The following GTPBP6 variants were observed in gnomAD, a reference collection of about 807,000 sequenced individuals.
GTPBP6 encodes the protein putative GTP-binding protein 6.
A neutral mutation model predicts 28.9 loss-of-function variants in GTPBP6; 33 were observed. That is an observed-to-expected ratio of 1.14 (90% CI 0.87 to 1.53). The LOEUF (loss-of-function observed/expected upper bound fraction) is 1.53. Among genes scored for constraint, GTPBP6 ranks in the 40% most tolerant of loss-of-function variants. The pLI is 0.00. For missense variants in GTPBP6, 507 were observed against 408.3 expected, an observed-to-expected ratio of 1.24 and a Z score of -2.08; for synonymous variants, 231 against 192.7, an observed-to-expected ratio of 1.20 and a Z score of -1.65.
chrX:314,202 C>A, exon 5 of GTPBP6: 1 of 1,613,516 alleles, frequency 6.2e-7, no homozygotes, highest in Non-Finnish European at 8.5e-7. Flanking sequence ...GGGCGACGTC[C>A]CTTTTCAAGT....
intron 6 of GTPBP6, chrX:312,545 C>A (rs1195080949): frequency 1.3e-5 from 9 of 699,578 alleles, no homozygotes; most frequent in Admixed American, 1.2e-4. Context: ...GGCTGCTGTA[C>A]CCCACACAGA....
chrX:318,731 G>A, exon 1 of GTPBP6: 4 of 340,088 alleles, frequency 1.2e-5, no homozygotes, highest in Non-Finnish European at 5.3e-6. Context: ...CCGAGCGGCC[G>A]CGGCCCACGC....
intron 4 of GTPBP6, among the ~76,000 whole-genome samples, chrX:314,458 C>G (rs139356819): frequency 6.6e-6 from 1 of 151,432 alleles, no homozygotes; most frequent in African/African-American, 2.4e-5. Flanking sequence ...GAGAGAGAGC[C>G]CACACGGTGC....
At chrX:306,866 G>C (rs993916474) in intron 9 of GTPBP6, among the ~76,000 whole-genome samples, 3 of 116,106 alleles carry the variant, frequency 2.6e-5, no homozygotes, top group African/African-American at 1.1e-4. Flanking sequence ...TTAGGCACCT[G>C]TTGTATGCAG....
intron 2 of GTPBP6, 109 bp downstream of exon 2, chrX:316,805 C>T (rs1383469856): frequency 2.5e-6 from 1 of 398,934 alleles, no homozygotes; most frequent in Non-Finnish European, 4.4e-6. Context: ...GGCCGCTTCC[C>T]CTCTGGCCCC....
intron 1 of GTPBP6, among the ~76,000 whole-genome samples, chrX:317,453 C>T (rs1488133726): frequency 2.3e-4 from 34 of 150,266 alleles, no homozygotes; most frequent in Admixed American, 6.1e-4. Context: ...GGAAAACACC[C>T]GTAAAGAAAA....
intron 1 of GTPBP6, 29 bp from the exon 2 acceptor site, chrX:317,080 G>A (rs1194731749): frequency 1.9e-4 from 74 of 397,934 alleles, no homozygotes; most frequent in Non-Finnish European, 2.9e-4. Flanking sequence ...CACCGTGAGA[G>A]ACGCTTCTGC....
At position 313,514 on chromosome X, in the gene GTPBP6, C is replaced by T. The variant is rs1378472514; in HGVS notation, c.758-590G>A. On this transcript the variant is annotated intron_variant, in intron 5 of 9. Transcript: ENST00000326153. Reference sequence around the variant, plus strand: ...AAGTGTAGCGGATTGAACTGTGGTCCTCCTAAAAGATCTGTCCACATCCTA... The same window carrying T: ...AAGTGTAGCGGATTGAACTGTGGTCTTCCTAAAAGATCTGTCCACATCCTA... 1.3e-5 allele frequency among the ~76,000 whole-genome samples: 2 copies of T among 151,296 alleles called. 1 individual carries two copies. The highest frequency in any genetic ancestry group is 2.9e-5 in the Non-Finnish European group (2 of 67,904).
At chrX:317,569 T>TGGGG (rs1187572118) in intron 1 of GTPBP6, among the ~76,000 whole-genome samples, 5 of 117,548 alleles carry the variant, frequency 4.3e-5, no homozygotes, top group African/African-American at 1.6e-4. Context: ...GGGTGGGGGG[T>TGGGG]GGGACTAGAC....
At chrX:317,562 T>TGGGGGGGGGG (rs1231210780) in intron 1 of GTPBP6, among the ~76,000 whole-genome samples, 1 of 46,066 alleles carries the variant, frequency 2.2e-5, no homozygotes, top group South Asian at 5.9e-4. Flanking sequence ...TCCTGGGGGG[T>TGGGGGGGGGG]GGGGGGTGGG....
exon 1 of GTPBP6, chrX:318,513 G>A: frequency 2.5e-6 from 1 of 398,482 alleles, no homozygotes; most frequent in Non-Finnish European, 4.4e-6. Flanking sequence ...GGTCCCCGCC[G>A]GCAGCAGAGG....
At chrX:307,915 C>A in intron 7 of GTPBP6, 35 bp from the exon 8 acceptor site, 2 of 1,462,254 alleles carry the variant, frequency 1.4e-6, no homozygotes, top group Non-Finnish European at 1.8e-6. Flanking sequence ...AGCTGCGGAG[C>A]CTCTGGTCCC....
chrX:318,041 G>A (rs1205847104), intron 1 of GTPBP6, among the ~76,000 whole-genome samples: 2 of 124,324 alleles, frequency 1.6e-5, no homozygotes, highest in African/African-American at 6.2e-5. Context: ...CCTCTCCTTA[G>A]AGCCTGGCCC....
chrX:308,015 C>CGTA, intron 7 of GTPBP6, 135 bp from the exon 8 acceptor site: 1 of 731,360 alleles, frequency 1.4e-6, no homozygotes, highest in Non-Finnish European at 2.0e-6. Context: ...TGTGTGCAGG[C>CGTA]CCCTCGGACA....
exon 8 of GTPBP6, chrX:307,817 G>C: frequency 5.8e-6 from 9 of 1,554,114 alleles, no homozygotes; most frequent in Non-Finnish European, 7.8e-6. Flanking sequence ...AGCGTGGACA[G>C]AACGCTGCAT....
chrX:318,548 G>C (rs2070482901), exon 1 of GTPBP6: 2 of 398,288 alleles, frequency 5.0e-6, no homozygotes, highest in Non-Finnish European at 8.9e-6. Flanking sequence ...GCTCCTCCTC[G>C]GCGTTCTCGT....
At chrX:315,052 G>A (rs1192024163) in intron 3 of GTPBP6, 32 bp from the exon 4 acceptor site, 29 of 398,732 alleles carry the variant, frequency 7.3e-5, no homozygotes, top group South Asian at 3.8e-4. Context: ...GAGAAGCCAC[G>A]GGGGAAGGCC....
intron 2 of GTPBP6, among the ~76,000 whole-genome samples, chrX:315,527 C>A (rs1274698995): frequency 4.0e-4 from 59 of 148,054 alleles, no homozygotes; most frequent in African/African-American, 1.4e-3. Flanking sequence ...CACATCCCGG[C>A]AGGGACACAA....
chrX:318,414 C>A (rs1285771682), intron 1 of GTPBP6, 25 bp downstream of exon 1: 5 of 385,618 alleles, frequency 1.3e-5, no homozygotes, highest in African/African-American at 1.0e-4. Context: ...TCCTGTTTCT[C>A]CCCCGAAAGC....
Sources: allele counts gnomAD v4.1 joint callset (sites outside exome capture counted in the v4.1 genomes callset), GRCh38; gene constraint gnomAD v4.1.1; transcripts MANE v1.5; gene names NCBI Gene and HGNC (gene_info 2026-07-23, HGNC 2026-07-21).